Variants in COMP observed in about 807,000 individuals in gnomAD.
The protein encoded by COMP is cartilage oligomeric matrix protein (pseudoachondroplasia, epiphyseal dysplasia 1, multiple).
COMP carries 79 observed loss-of-function variants against 95.8 expected under a neutral mutation model. The ratio of observed to expected loss-of-function variants is 0.82; its 90% confidence interval spans 0.69 to 0.99. The LOEUF is 0.99. Ranked by LOEUF, COMP falls within the 50% of genes least tolerant of loss-of-function variation. COMP has a pLI of 0.00. For missense variants in COMP, 906 were observed against 1,076.1 expected (o/e 0.84, Z 2.21); for synonymous variants, 438 against 433.9 (o/e 1.01, Z -0.12).
intron 15 of COMP, 101 bp downstream of exon 15, chr19:18,785,397 C>G (rs772859205): frequency 2.1e-5 from 31 of 1,499,526 alleles, no homozygotes; most frequent in Non-Finnish European, 2.8e-5. Context: ...CGGGCCAGCC[C>G]CCTTCTGGCC....
At position 18,789,033 on chromosome 19, in the gene COMP, T is replaced by C; in HGVS notation, c.529-120A>G. ...CATCCTGCCCCAAACCGATCAGCCC[T>C]GGCGCAGCGGACCCCTCCTCTCCCC... On this transcript the variant is annotated intron_variant, in intron 5 of 18. Transcript: ENST00000222271. The surrounding 1 kb of genome is among the most constrained non-coding windows in gnomAD (Gnocchi z 6.1). 6.5e-7 allele frequency: 1 copy of C among 1,540,954 alleles called. No individual in the cohort carries two copies. Among genetic ancestry groups the C allele is most frequent in the Non-Finnish European group, 8.8e-7 (1 of 1,133,574 alleles).
Position 18,788,683 on chromosome 19 carries a change from C to G in COMP, c.671G>C (p.Arg224Pro). 3 of 1,542,032 alleles carry G rather than the reference C, an allele frequency of 1.9e-6. No homozygotes were observed. The highest frequency in any genetic ancestry group is 2.6e-6 in the Non-Finnish European group (3 of 1,145,104). Residue 224 changes from arginine to proline, a missense_variant, in exon 7 of 19, where the codon CGC (arginine) becomes CCC (proline). Arg to Pro is a moderately radical substitution (Grantham distance 103). Transcript: ENST00000222271. This position sits in a 1 kb window ranked among gnomAD's most constrained non-coding sequence, Gnocchi z 4.7. ...VGDQASGCQRRAQRFCPDGSP... is the reference protein window; with the variant it reads ...VGDQASGCQRPAQRFCPDGSP... ...GCCGTCGGGGCAGAAGCGCTGTGCG[C>G]GCCGCTGGCAGCCGGACGCCTGGTC... is the stretch of plus-strand genomic sequence containing the variant.
chr19:18,791,077 C>T (rs917963643), intron 1 of COMP, 114 bp downstream of exon 1: 65 of 1,500,504 alleles, frequency 4.3e-5, no homozygotes, highest in Middle Eastern at 1.7e-4. Context: ...CTGCGCCCGG[C>T]ACGTCCCCTA....
rs2055191212 is a variant in COMP, at chr19:18,789,014, G to A, written c.529-101C>T. 6 of 1,545,330 alleles carry A rather than the reference G, an allele frequency of 3.9e-6. No individual in the cohort carries two copies. Among genetic ancestry groups the A allele is most frequent in the African/African-American group, 1.4e-5 (1 of 73,704 alleles). On this transcript the variant is annotated intron_variant, in intron 5 of 18. Coordinates refer to ENST00000222271, the MANE Select transcript of COMP (RefSeq NM_000095.3). This position sits in a 1 kb window ranked among gnomAD's most constrained non-coding sequence, Gnocchi z 6.1. ...GCATCCTGCCTCTCCCCTCCATCCT[G>A]CCCCAAACCGATCAGCCCTGGCGCA...
chr19:18,789,981 G>C lies in COMP; in HGVS notation c.351C>G (p.Gly117=). ...SGARCGPCPA[G]FTGNGSHCTD... ...TGCAGTGCGAGCCGTTGCCCGTGAA[G>C]CCCGCGGGGCAGGGGCCGCAGCGCG... Residue 117 remains glycine (G), a synonymous_variant, in exon 4 of 19, where the codon GGC becomes GGG. Coordinates refer to ENST00000222271, the MANE Select transcript of COMP (RefSeq NM_000095.3). The surrounding 1 kb of genome is among the most constrained non-coding windows in gnomAD (Gnocchi z 6.1). 1 of 1,594,980 alleles carries C rather than the reference G, an allele frequency of 6.3e-7. No homozygotes were observed. Among genetic ancestry groups the C allele is most frequent in the East Asian group, 2.2e-5 (1 of 44,604 alleles).
chr19:18,783,340 G>A, intron 17 of COMP, 147 bp from the exon 18 acceptor site: 4 of 1,177,110 alleles, frequency 3.4e-6, no homozygotes, highest in Non-Finnish European at 4.7e-6. Flanking sequence ...CAGTTTCCTG[G>A]TGTGGTGGAC....
In COMP at chr19:18,787,562, T is replaced by C; in HGVS notation, c.1064A>G (p.Lys355Arg). 1 of 1,614,112 alleles carries C rather than the reference T, an allele frequency of 6.2e-7. No homozygotes were observed. Among genetic ancestry groups the C allele is most frequent in the Non-Finnish European group, 8.5e-7 (1 of 1,180,040 alleles). The change falls in exon 10 of 19, where the codon AAG (lysine) becomes AGG (arginine). Residue 355 changes from lysine (K) to arginine (R), a missense_variant. By Grantham distance (26) the Lys-to-Arg change is conservative (BLOSUM62 2). Transcript: ENST00000222271. ...GDACDNCRSQ[K>R]NDDQKDTDQD... The stretch of plus-strand genomic sequence containing the variant: ...GTCTGTGTCCTTTTGGTCGTCGTTC[T>C]TCTGGGACCGGCAGTTGTCGCACGC...
At position 18,784,368 on chromosome 19, in the gene COMP, C is replaced by T. The variant is rs755504959; in HGVS notation, c.1915-5G>A. ...GCCTGTGGAAGACTTCACAGCCTGC[C>T]AATACCCAGGAAAGGTGGTCAGAGA... is the stretch of plus-strand genomic sequence containing the variant. On this transcript the variant is annotated splice_region_variant and splice_polypyrimidine_tract_variant and intron_variant, in intron 16 of 18. Coordinates refer to ENST00000222271, the MANE Select transcript of COMP (RefSeq NM_000095.3). The surrounding 1 kb of genome is among the most constrained non-coding windows in gnomAD (Gnocchi z 4.9). 14 of 1,613,784 alleles carry T rather than the reference C, an allele frequency of 8.7e-6. No individual in the cohort carries two copies. The highest frequency in any genetic ancestry group is 1.2e-5 in the Non-Finnish European group (14 of 1,180,042).
chr19:18,789,860 A>G lies in COMP; in HGVS notation c.390+82T>C. 2 of 1,507,568 alleles carry G rather than the reference A, an allele frequency of 1.3e-6. No homozygotes were observed. Among genetic ancestry groups the G allele is most frequent in the Non-Finnish European group, 9.0e-7 (1 of 1,111,652 alleles). 93.4% of individuals were successfully genotyped at this position (1,507,568 alleles called of 1,614,324 possible). On this transcript the variant is annotated intron_variant, in intron 4 of 18. Transcript: ENST00000222271. This position sits in a 1 kb window ranked among gnomAD's most constrained non-coding sequence, Gnocchi z 6.1. ...TCTTCGGGGCGAACACTCCCAGTGG[A>G]GGAAGGGGTCTCCCGGGCGGCGAGA... is the stretch of plus-strand genomic sequence containing the variant.
At chr19:18,787,914 CTTTTTTT>C (rs1169365963) in intron 9 of COMP, among the ~76,000 whole-genome samples, 2 of 137,004 alleles carry the variant, frequency 1.5e-5, no homozygotes, top group South Asian at 2.3e-4. Flanking sequence ...TTCTTTCTTT[CTTTTTTT>C]TGAGACAGAG....
intron 18 of COMP, 41 bp downstream of exon 18, chr19:18,783,013 G>A (rs1160787396): frequency 1.9e-6 from 3 of 1,612,002 alleles, no homozygotes; most frequent in Admixed American, 1.7e-5. Context: ...CAGGGCCTGT[G>A]TGCAGACTCC....
Position 18,786,162 on chromosome 19 carries a change from G to T in COMP, c.1308-16C>A. On this transcript the variant is annotated splice_polypyrimidine_tract_variant and intron_variant, in intron 12 of 18. Transcript: ENST00000222271. Reference sequence around the variant, plus strand: ...GTCTCCATCCCTAGAGTGGATAGGTGGGATCCAGAGACAATGAGCTCTCCA... The same window carrying T: ...GTCTCCATCCCTAGAGTGGATAGGTTGGATCCAGAGACAATGAGCTCTCCA... 1.2e-6 allele frequency: 2 copies of T among 1,614,128 alleles called. No homozygotes were observed. Among genetic ancestry groups the T allele is most frequent in the Non-Finnish European group, 1.7e-6 (2 of 1,180,040 alleles).
chr19:18,787,842 T>G (rs966036421), intron 9 of COMP, among the ~76,000 whole-genome samples, 192 bp from the exon 10 acceptor site: 1 of 100,088 alleles, frequency 1.0e-5, no homozygotes, highest in African/African-American at 4.9e-5. Context: ...AGCTCTGTCT[T>G]TTCTTTTTTC....
chr19:18,790,219 C>A (rs1016416109), intron 3 of COMP, 105 bp from the exon 4 acceptor site: 53 of 874,702 alleles, frequency 6.1e-5, no homozygotes, highest in East Asian at 4.8e-4. Flanking sequence ...CCTTCCCCCC[C>A]ACCCCCCGCC....
At position 18,789,883 on chromosome 19, in the gene COMP, A is replaced by G. The variant is rs536513407; in HGVS notation, c.390+59T>C. 1.5e-5 allele frequency: 24 copies of G among 1,566,802 alleles called. No individual in the cohort carries two copies. In the East Asian group the frequency reaches 5.0e-4, roughly 33 times the overall value. On this transcript the variant is annotated intron_variant, in intron 4 of 18. Coordinates refer to ENST00000222271, the MANE Select transcript of COMP (RefSeq NM_000095.3). The surrounding 1 kb of genome is among the most constrained non-coding windows in gnomAD (Gnocchi z 6.1). ...GGAGGAAGGGGTCTCCCGGGCGGCG[A>G]GAGATTGGGGGGCGGTAGAGGGAGT...
intron 2 of COMP, 25 bp downstream of exon 2, chr19:18,790,825 C>T (rs1315620764): frequency 1.3e-6 from 2 of 1,554,642 alleles, no homozygotes; most frequent in Admixed American, 3.9e-5. Flanking sequence ...CCTGGCACTC[C>T]CTGCCCCGCA....
At position 18,790,568 on chromosome 19, in the gene COMP, C is replaced by A; in HGVS notation, c.211G>T (p.Ala71Ser). The change falls in exon 3 of 19, where the codon GCG (alanine) becomes TCG (serine). Residue 71 changes from alanine (A) to serine (S), a missense_variant. Coordinates refer to ENST00000222271, the MANE Select transcript of COMP (RefSeq NM_000095.3). ...ACCGCCCCGCCGCGCTCACCGCACG[C>A]GTCACACTCCATCACCGTGTTTTTC... ...FLKNTVMECDACGMQQSVRTG... is the reference protein window; with the variant it reads ...FLKNTVMECDSCGMQQSVRTG... 1 of 1,613,910 alleles carries A rather than the reference C, an allele frequency of 6.2e-7. No homozygotes were observed. The highest frequency in any genetic ancestry group is 8.5e-7 in the Non-Finnish European group (1 of 1,179,894).
Position 18,788,659 on chromosome 19 carries a change from C to T in COMP, c.695G>A (p.Gly232Asp). Residue 232 changes from glycine to aspartate, a missense_variant, in exon 7 of 19, where the codon GGC becomes GAC. Coordinates refer to ENST00000222271, the MANE Select transcript of COMP (RefSeq NM_000095.3). The surrounding 1 kb of genome is among the most constrained non-coding windows in gnomAD (Gnocchi z 4.7). Reference protein sequence around the residue: ...QRRAQRFCPDGSPSECHEHAD... With the variant: ...QRRAQRFCPDDSPSECHEHAD... ...ATGCTCGTGGCACTCGCTGGGCGAG[C>T]CGTCGGGGCAGAAGCGCTGTGCGCG... 6.5e-7 allele frequency: 1 copy of T among 1,545,422 alleles called. No individual in the cohort carries two copies. Among genetic ancestry groups the T allele is most frequent in the Non-Finnish European group, 8.7e-7 (1 of 1,146,358 alleles).
rs757901587 is a variant in COMP at position 18,782,871 on chromosome 19, C to A, written c.*44G>T. ...GCTGGGTGCAGAGCCCCCATCCAGCCGCGGTGAGGGTGGCTGTCATCCGGC... is the reference window on the plus strand; with the variant it reads ...GCTGGGTGCAGAGCCCCCATCCAGCAGCGGTGAGGGTGGCTGTCATCCGGC... On this transcript the variant is annotated 3_prime_UTR_variant, in exon 19 of 19. Coordinates refer to ENST00000222271, the MANE Select transcript of COMP (RefSeq NM_000095.3). 3 of 1,605,544 alleles carry A rather than the reference C, an allele frequency of 1.9e-6. No homozygotes were observed. The highest frequency in any genetic ancestry group is 2.5e-6 in the Non-Finnish European group (3 of 1,178,566).
Sources: gnomAD v4.1 joint callset for allele counts (sites outside exome capture counted in the v4.1 genomes callset) on GRCh38, gnomAD v4.1.1 for gene constraint, Gnocchi (gnomAD v3.1) non-coding constraint, MANE v1.5 for transcripts, NCBI Gene and HGNC (gene_info 2026-07-23, HGNC 2026-07-21) for gene names.